MYNN: variants seen among roughly 807,000 people sequenced by gnomAD.
MYNN encodes zinc finger and BTB domain-containing protein 31.
Under a neutral mutation model 57.2 loss-of-function variants are expected in MYNN, and 22 were observed. That is an observed-to-expected ratio of 0.38 (90% CI 0.27 to 0.55). The LOEUF is 0.55. Ranked by LOEUF, MYNN falls within the 20% of genes least tolerant of loss-of-function variation. MYNN has a pLI of 0.71. For synonymous variants in MYNN, 241 were observed against 257.1 expected (o/e 0.94, Z 0.60); for missense variants, 566 against 723.1 (o/e 0.78, Z 2.49).
intron 2 of MYNN, 32 bp from the exon 3 acceptor site, chr3:169,778,736 G>C: frequency 6.5e-7 from 1 of 1,541,776 alleles, no homozygotes; most frequent in African/African-American, 1.4e-5. Context: ...TCTTTGATCA[G>C]AATATTGTCA....
chr3:169,781,295 G>A (rs1269535948), intron 4 of MYNN, among the ~76,000 whole-genome samples: 3 of 152,220 alleles, frequency 2.0e-5, no homozygotes, highest in Non-Finnish European at 4.4e-5. Context: ...AACAGTTTAA[G>A]TGGAAGTGCA....
intron 1 of MYNN, among the ~76,000 whole-genome samples, chr3:169,773,701 T>G (rs2108194487): frequency 6.6e-6 from 1 of 152,304 alleles, no homozygotes; most frequent in Non-Finnish European, 1.5e-5. Context: ...CACTCTCGGA[T>G]GCCGCCTCGC....
chr3:169,782,374 A>G lies in MYNN; in HGVS notation c.1221-91A>G, dbSNP rs1778544521. On this transcript the variant is annotated intron_variant, in intron 4 of 7. Transcript: ENST00000349841. This position sits in a 1 kb window ranked among gnomAD's most constrained non-coding sequence, Gnocchi z 4.8. ...CATAGTCTTGGCCTGTTAAGATGACATGAAATAAAATCTATAAAAAACTTT... is the reference window on the plus strand; with the variant it reads ...CATAGTCTTGGCCTGTTAAGATGACGTGAAATAAAATCTATAAAAAACTTT... 1.9e-6 allele frequency: 2 copies of G among 1,070,452 alleles called. No individual in the cohort carries two copies. The highest frequency in any genetic ancestry group is 2.5e-5 in the East Asian group (1 of 40,164). The allele number at this position is 1,070,452 out of a possible 1,614,324, so 66.3% of individuals were successfully genotyped here.
chr3:169,773,443 C>T lies in MYNN; in HGVS notation c.-51C>T, dbSNP rs1275343688. The T allele has an allele frequency of 2.6e-5, 4 of 152,434 alleles. No homozygotes were observed. The highest frequency in any genetic ancestry group is 5.9e-5 in the Non-Finnish European group (4 of 68,124). The allele number at this position is 152,434 out of a possible 1,614,324, so 9.4% of individuals were successfully genotyped here. On this transcript the variant is annotated 5_prime_UTR_variant, in exon 1 of 8. Coordinates refer to ENST00000349841, the MANE Select transcript of MYNN (RefSeq NM_018657.5). The stretch of plus-strand genomic sequence containing the variant: ...GGAGACAGAGTGAAGAAACTGTGTT[C>T]CCCCCTTGGGTTGCTATCGGTGAGT...
Position 169,782,486 on chromosome 3 carries a change from A to G in MYNN, c.1242A>G (p.Pro414=), listed in dbSNP as rs1297160841. ...ACAGGAAGCATAGTGGAGAGAAGCC[A>G]TATGTCTGTGATAGGTGTGGACAGA... The part of the protein sequence containing the change: ...IHARKHSGEK[P]YVCDRCGQRF... Residue 414 remains proline, a synonymous_variant, in exon 5 of 8, where the codon CCA becomes CCG. Coordinates refer to ENST00000349841, the MANE Select transcript of MYNN (RefSeq NM_018657.5). This position sits in a 1 kb window ranked among gnomAD's most constrained non-coding sequence, Gnocchi z 4.8. The G allele has an allele frequency of 1.2e-6, 2 of 1,612,408 alleles. No homozygotes were observed. Among genetic ancestry groups the G allele is most frequent in the East Asian group, 4.5e-5 (2 of 44,862 alleles).
chr3:169,786,099 G>T (rs1778669164), intron 7 of MYNN, among the ~76,000 whole-genome samples: 1 of 152,040 alleles, frequency 6.6e-6, no homozygotes, highest in Non-Finnish European at 1.5e-5. Context: ...AATGTTAAAT[G>T]GCAATAAGAG....
At position 169,774,569 on chromosome 3, in the gene MYNN, A is replaced by G. The variant is rs1347753560; in HGVS notation, c.266+8A>G. 3 of 1,602,588 alleles carry G rather than the reference A, an allele frequency of 1.9e-6. No homozygotes were observed. Among genetic ancestry groups the G allele is most frequent in the Non-Finnish European group, 2.6e-6 (3 of 1,171,496 alleles). ...AACTTTAAATCTTGACAGGTAAAGT[A>G]CACATTTTATTTTCAGTTATAAAAG... On this transcript the variant is annotated splice_region_variant and intron_variant, in intron 2 of 7. Coordinates refer to ENST00000349841, the MANE Select transcript of MYNN (RefSeq NM_018657.5).
intron 7 of MYNN, among the ~76,000 whole-genome samples, chr3:169,785,991 A>G (rs1211329363): frequency 1.3e-5 from 2 of 152,102 alleles, no homozygotes; most frequent in South Asian, 2.1e-4. Context: ...AGTATTTCTT[A>G]TCACTGTTTA....
chr3:169,785,072 G>C lies in MYNN; in HGVS notation c.1570+364G>C, dbSNP rs951831384. On this transcript the variant is annotated intron_variant, in intron 7 of 7. Coordinates refer to ENST00000349841, the MANE Select transcript of MYNN (RefSeq NM_018657.5). ...TACTATGGTTATTATGAAAAAAAAG[G>C]GGGGGGGGGTGGTGTTATCATGAAC... Among the ~76,000 whole-genome samples the C allele has an allele frequency of 1.1e-4, 14 of 129,786 alleles. 1 individual carries two copies. The highest frequency in any genetic ancestry group is 4.9e-4 in the South Asian group (2 of 4,080). The allele number at this position is 129,786 out of a possible 152,430, so 85.1% of individuals were successfully genotyped here. A position where few individuals can be genotyped will look rare whatever the true frequency, so the allele number is the denominator to read the frequency against.
At chr3:169,783,832 G>C (rs1778591728) in intron 6 of MYNN, 1 of 478,270 alleles carries the variant, frequency 2.1e-6, no homozygotes, top group Non-Finnish European at 3.9e-6. Context: ...AAATTGCACA[G>C]ATATACCAAG....
chr3:169,784,501 A>G (rs1001215006), intron 6 of MYNN, 121 bp from the exon 7 acceptor site: 2 of 636,094 alleles, frequency 3.1e-6, no homozygotes, highest in African/African-American at 1.9e-5. Context: ...TTAAAGTGAC[A>G]ATTTGAAACC....
chr3:169,774,865 C>T (rs553876005), intron 2 of MYNN, among the ~76,000 whole-genome samples: 3 of 152,178 alleles, frequency 2.0e-5, no homozygotes, highest in African/African-American at 7.2e-5. Context: ...ATTTTTGAGA[C>T]GGGCTCACCG....
chr3:169,785,077 G>GGT, intron 7 of MYNN, among the ~76,000 whole-genome samples: 1 of 147,626 alleles, frequency 6.8e-6, no homozygotes, highest in Non-Finnish European at 1.5e-5. Context: ...AAAAGGGGGG[G>GGT]GGGGTGGTGT....
chr3:169,774,004 C>T, intron 1 of MYNN: 1 of 362,400 alleles, frequency 2.8e-6, no homozygotes, highest in Non-Finnish European at 5.0e-6. Context: ...GATGTGAAAG[C>T]GTCAGGTTTT....
At chr3:169,775,937 G>T (rs1778326806) in intron 2 of MYNN, among the ~76,000 whole-genome samples, 1 of 152,144 alleles carries the variant, frequency 6.6e-6, no homozygotes, top group South Asian at 2.1e-4. Flanking sequence ...GAAGTATCCA[G>T]TGGGGGGAGG....
chr3:169,779,762 A>G, intron 3 of MYNN: 3 of 572,864 alleles, frequency 5.2e-6, no homozygotes, highest in Non-Finnish European at 9.1e-6. Flanking sequence ...GCCCTAATGC[A>G]TCAACTCCTT....
rs181243046 is a variant in MYNN, at chr3:169,787,182, A to G, written c.*504A>G. Reference sequence around the variant, plus strand: ...TCGCTCGTAAAAATTTAGGCGCTGAATAAGAATTGTGCTATTTCTCTATTA... The same window carrying G: ...TCGCTCGTAAAAATTTAGGCGCTGAGTAAGAATTGTGCTATTTCTCTATTA... On this transcript the variant is annotated 3_prime_UTR_variant, in exon 8 of 8. Coordinates refer to ENST00000349841, the MANE Select transcript of MYNN (RefSeq NM_018657.5). The G allele has an allele frequency of 6.5e-6, 1 of 153,018 alleles. No homozygotes were observed. Among genetic ancestry groups the G allele is most frequent in the Non-Finnish European group, 1.5e-5 (1 of 68,284 alleles). The allele number at this position is 153,018 out of a possible 1,614,324, so 9.5% of individuals were successfully genotyped here.
intron 6 of MYNN, among the ~76,000 whole-genome samples, 165 bp from the exon 7 acceptor site, chr3:169,784,457 G>A (rs1778613643): frequency 6.6e-6 from 1 of 151,980 alleles, no homozygotes; most frequent in Non-Finnish European, 1.5e-5. Context: ...AGGTTGTATA[G>A]AATCTTTCAT....
rs1402394307 is a variant in MYNN, at chr3:169,786,604, T to C, written c.1759T>C (p.Ser587Pro). 1 of 1,613,622 alleles carries C rather than the reference T, an allele frequency of 6.2e-7. No individual in the cohort carries two copies. Among genetic ancestry groups the C allele is most frequent in the Admixed American group, 1.7e-5 (1 of 59,976 alleles). The change falls in exon 8 of 8, where the codon TCA becomes CCA. Residue 587 changes from serine to proline, a missense_variant. Around this residue, in one of 4 missense-constraint regions of MYNN, gnomAD observed 156 missense variants for 163.9 expected, o/e 0.95. Transcript: ENST00000349841. ...TGTCACGGATACTCAGTCTCCTACA[T>C]CAGATACATTGTTGAGGTCAACTGT... ...LPVTDTQSPT[S>P]DTLLRSTVNG... is the part of the protein sequence containing the mutation.
Sources: allele counts gnomAD v4.1 joint callset (sites outside exome capture counted in the v4.1 genomes callset), GRCh38; gene constraint gnomAD v4.1.1; regional missense constraint gnomAD v4.1.1; non-coding constraint Gnocchi (gnomAD v3.1); transcripts MANE v1.5; gene names NCBI Gene and HGNC (gene_info 2026-07-23, HGNC 2026-07-21).